Variants in SETBP1 observed in about 807,000 individuals in gnomAD.
SETBP1 encodes the protein SET-binding protein.
SETBP1 carries 9 observed loss-of-function variants against 101.0 expected under a neutral mutation model. The observed-to-expected ratio is 0.09, with a 90% CI of 0.05 to 0.16. The LOEUF is 0.16. Among genes scored for constraint, SETBP1 ranks in the 10% least tolerant of loss-of-function variants. The pLI is 1.00. For missense variants in SETBP1, 1,858 were observed against 2,033.8 expected (o/e 0.91, Z 1.66); for synonymous variants, 818 against 788.5 (o/e 1.04, Z -0.63).
intron 4 of SETBP1, among the ~76,000 whole-genome samples, chr18:45,017,860 A>C (rs970443977): frequency 6.6e-6 from 1 of 152,330 alleles, no homozygotes; most frequent in Non-Finnish European, 1.5e-5. Context: ...CACAGTCATT[A>C]GGCAAAATAA....
chr18:44,749,776 T>C (rs961998857), intron 2 of SETBP1, among the ~76,000 whole-genome samples: 11 of 152,182 alleles, frequency 7.2e-5, no homozygotes, highest in African/African-American at 2.7e-4. Flanking sequence ...TGGGATATGG[T>C]AGTAATACAA....
intron 1 of SETBP1, among the ~76,000 whole-genome samples, chr18:44,693,700 C>T (rs2068970342): frequency 6.6e-6 from 1 of 152,176 alleles, no homozygotes; most frequent in Admixed American, 6.5e-5. Flanking sequence ...TAACTATAGG[C>T]CAATGAGTCT....
At chr18:44,917,682 A>C (rs529910171) in intron 3 of SETBP1, among the ~76,000 whole-genome samples, 3 of 152,136 alleles carry the variant, frequency 2.0e-5, no homozygotes, top group Admixed American at 6.5e-5. Context: ...AGTCCTCAGC[A>C]TTTCCCTCAC....
chr18:44,927,382 C>T (rs568804662), intron 3 of SETBP1, among the ~76,000 whole-genome samples: 272 of 152,280 alleles, frequency 1.8e-3, no homozygotes, highest in African/African-American at 6.0e-3. Flanking sequence ...ATCTTGTCCC[C>T]ATGACTCTAT....
rs531565698 is a variant in SETBP1, at chr18:44,926,939, C to T, written c.541-22942C>T. The stretch of plus-strand genomic sequence containing the variant: ...GATTCAGCAAAGTGTATGGGCTTGC[C>T]GGGTGCCCAGAGGCTTTATGAGGGT... On this transcript the variant is annotated intron_variant, in intron 3 of 5. Transcript: ENST00000649279. Among the ~76,000 whole-genome samples, 109 of 152,194 alleles carry T rather than the reference C, an allele frequency of 7.2e-4. 1 individual carries two copies. In the South Asian group the frequency reaches 0.017, roughly 24 times the overall value.
Position 45,063,770 on chromosome 18 carries a change from G to A in SETBP1, c.*72G>A, listed in dbSNP as rs532511558. The A allele has an allele frequency of 1.9e-4, 289 of 1,519,112 alleles. No homozygotes were observed. The African/African-American group carries it at 3.5e-3, about 19-fold the overall frequency. The allele number at this position is 1,519,112 out of a possible 1,614,324, so 94.1% of individuals were successfully genotyped here. On this transcript the variant is annotated 3_prime_UTR_variant, in exon 6 of 6. Coordinates refer to ENST00000649279, the MANE Select transcript of SETBP1 (RefSeq NM_015559.3). The stretch of plus-strand genomic sequence containing the variant: ...GGAAGCGCAGTGAGCCGGGGCGGGG[G>A]CGGAATCCCCCGCTGCAGGGACACC...
chr18:44,786,004 A>T (rs1033149732), intron 2 of SETBP1, among the ~76,000 whole-genome samples: 1 of 152,190 alleles, frequency 6.6e-6, no homozygotes, highest in Admixed American at 6.5e-5. Flanking sequence ...CTGTTTTTAC[A>T]TATGACCTTC....
intron 4 of SETBP1, among the ~76,000 whole-genome samples, chr18:45,031,662 A>G (rs1305292988): frequency 6.6e-6 from 1 of 152,218 alleles, no homozygotes; most frequent in African/African-American, 2.4e-5. Flanking sequence ...AGATGTGTCC[A>G]TCTAACATTT....
At chr18:44,830,126 G>A (rs1319253746) in intron 2 of SETBP1, among the ~76,000 whole-genome samples, 2 of 152,180 alleles carry the variant, frequency 1.3e-5, no homozygotes, top group Non-Finnish European at 2.9e-5. Flanking sequence ...TTGGGTTCTT[G>A]ATGGTAGAAC....
intron 4 of SETBP1, among the ~76,000 whole-genome samples, chr18:45,024,059 C>T (rs970634227): frequency 7.2e-5 from 11 of 152,152 alleles, no homozygotes; most frequent in South Asian, 2.1e-4. Flanking sequence ...TACTGACTAA[C>T]GTATTTGGAT....
Position 45,063,590 on chromosome 18 carries a change from T to G in SETBP1, c.4683T>G (p.Ala1561=), listed in dbSNP as rs2145596068. Residue 1561 remains alanine (A), a synonymous_variant, in exon 6 of 6, where the codon GCT becomes GCG. Transcript: ENST00000649279. ...GGAAACACAAACCGCAGGCCCCCGC[T>G]CAGCCCCCACAGCAGTCGCCCCCGC... ...GKRKHKPQAP[A]QPPQQSPPQQ... 6.7e-7 allele frequency: 1 copy of G among 1,497,192 alleles called. No homozygotes were observed. The allele number at this position is 1,497,192 out of a possible 1,614,324, so 92.7% of individuals were successfully genotyped here.
chr18:44,721,652 G>C (rs754496917), intron 2 of SETBP1, among the ~76,000 whole-genome samples: 3 of 152,090 alleles, frequency 2.0e-5, no homozygotes, highest in Non-Finnish European at 4.4e-5. Flanking sequence ...GCATATGTTT[G>C]CTTCCACAGT....
intron 3 of SETBP1, among the ~76,000 whole-genome samples, chr18:44,925,820 C>A (rs1396917283): frequency 1.3e-5 from 2 of 152,174 alleles, no homozygotes; most frequent in Non-Finnish European, 2.9e-5. Context: ...GACTTCAGGG[C>A]AACCTGGAGA....
At chr18:45,017,215 G>A (rs893197601) in intron 4 of SETBP1, among the ~76,000 whole-genome samples, 1 of 152,256 alleles carries the variant, frequency 6.6e-6, no homozygotes. Context: ...AGGGACCCAG[G>A]CCCAGGTGGT....
At chr18:44,758,037 G>A (rs2070541550) in intron 2 of SETBP1, among the ~76,000 whole-genome samples, 1 of 152,146 alleles carries the variant, frequency 6.6e-6, no homozygotes, top group African/African-American at 2.4e-5. Context: ...TTGAGGCGGG[G>A]TGGAGGACTC....
chr18:44,811,322 C>G (rs1331735034), intron 2 of SETBP1, among the ~76,000 whole-genome samples: 4 of 152,266 alleles, frequency 2.6e-5, no homozygotes, highest in African/African-American at 7.2e-5. Context: ...TACACATACA[C>G]ACGTGCTCAC....
intron 3 of SETBP1, among the ~76,000 whole-genome samples, chr18:44,915,440 A>G (rs986884724): frequency 5.3e-5 from 8 of 152,248 alleles, no homozygotes; most frequent in African/African-American, 1.9e-4. Flanking sequence ...GTGCAACCCT[A>G]TGCTAAACAC....
chr18:44,926,620 C>T (rs2070710579), intron 3 of SETBP1, among the ~76,000 whole-genome samples: 1 of 152,140 alleles, frequency 6.6e-6, no homozygotes. Flanking sequence ...GAAAGAGGTC[C>T]TCAGAGCAAC....
At chr18:44,867,742 G>A (rs2069161701) in intron 2 of SETBP1, among the ~76,000 whole-genome samples, 2 of 151,930 alleles carry the variant, frequency 1.3e-5, no homozygotes, top group South Asian at 2.1e-4. Context: ...GAATGGGGGG[G>A]TGGGGAACAG....
Sources: allele counts gnomAD v4.1 joint callset (sites outside exome capture counted in the v4.1 genomes callset), GRCh38; gene constraint gnomAD v4.1.1; transcripts MANE v1.5; gene names NCBI Gene and HGNC (gene_info 2026-07-23, HGNC 2026-07-21).